ITPR1: variants seen among roughly 807,000 people sequenced by gnomAD.
ITPR1 encodes inositol 1,4,5-trisphosphate receptor type 1, also known as inositol 1,4,5-trisphosphate-gated calcium channel ITPR1.
Under a neutral mutation model 318.4 loss-of-function variants are expected in ITPR1, and 96 were observed. That is an observed-to-expected ratio of 0.30 (90% CI 0.26 to 0.36). The LOEUF (loss-of-function observed/expected upper bound fraction) is 0.36, where lower values mean the gene tolerates loss of function less well. ITPR1 is among the 10% of genes least tolerant of loss of function. The pLI is 1.00. For missense variants in ITPR1, 2,440 were observed against 3,460.2 expected (o/e 0.71, Z 7.40); for synonymous variants, 1,312 against 1,289.9 (o/e 1.02, Z -0.37).
Position 4,818,212 on chromosome 3 carries a change from G to C in ITPR1, c.7998G>C (p.Gly2666=), listed in dbSNP as rs750735745. 6.3e-7 allele frequency: 1 copy of C among 1,579,478 alleles called. No individual in the cohort carries two copies. The highest frequency in any genetic ancestry group is 8.7e-7 in the Non-Finnish European group (1 of 1,153,232). ...VKVKDSTEYT[G]PESYVAEMIK... is the part of the protein sequence containing the mutation. ...TAAAGGACTCCACCGAATATACTGG[G>C]CCTGAGAGTTACGTGGCAGAAATGA... Residue 2666 remains glycine (G), a synonymous_variant, in exon 60 of 62, where the codon GGG becomes GGC. Transcript: ENST00000649015.
At chr3:4,647,978 C>G (rs1423295689) in intron 10 of ITPR1, among the ~76,000 whole-genome samples, 2 of 152,002 alleles carry the variant, frequency 1.3e-5, no homozygotes, top group Non-Finnish European at 2.9e-5. Context: ...ATGGAGAAAC[C>G]CTGTCTCTAC....
intron 56 of ITPR1, among the ~76,000 whole-genome samples, chr3:4,811,780 T>C (rs1171371626): frequency 6.6e-6 from 1 of 152,160 alleles, no homozygotes; most frequent in South Asian, 2.1e-4. Flanking sequence ...ACTGAGTAAA[T>C]CTACTTCTAG....
At chr3:4,812,615 C>T (rs755884688) in intron 56 of ITPR1, among the ~76,000 whole-genome samples, 37 of 152,094 alleles carry the variant, frequency 2.4e-4, no homozygotes, top group Admixed American at 5.2e-4. Flanking sequence ...TTTTTCATCC[C>T]GAGTCTAAGA....
intron 2 of ITPR1, among the ~76,000 whole-genome samples, chr3:4,514,840 T>G (rs1194148554): frequency 6.6e-6 from 1 of 152,242 alleles, no homozygotes; most frequent in Non-Finnish European, 1.5e-5. Flanking sequence ...ATGTTTTCCA[T>G]TTGTGCCGCC....
intron 40 of ITPR1, among the ~76,000 whole-genome samples, chr3:4,719,362 C>T (rs1297542645): frequency 6.6e-6 from 1 of 152,226 alleles, no homozygotes. Flanking sequence ...GGAGATGCCT[C>T]CTTGGCCTTT....
At chr3:4,835,527 G>A (rs749854689) in intron 60 of ITPR1, among the ~76,000 whole-genome samples, 2 of 152,048 alleles carry the variant, frequency 1.3e-5, no homozygotes, top group African/African-American at 2.4e-5. Flanking sequence ...CGACCCCCAC[G>A]GTGTACACAA....
intron 44 of ITPR1, among the ~76,000 whole-genome samples, chr3:4,755,895 C>T (rs1244903997): frequency 2.6e-5 from 4 of 152,184 alleles, no homozygotes; most frequent in African/African-American, 9.7e-5. Context: ...ACTTGCTTCA[C>T]TTCATCGCTT....
intron 61 of ITPR1, among the ~76,000 whole-genome samples, chr3:4,845,904 G>T (rs142659073): frequency 6.6e-6 from 1 of 152,330 alleles, no homozygotes; most frequent in African/African-American, 2.4e-5. Flanking sequence ...TATGAAACAA[G>T]TGGCAAGCAA....
chr3:4,777,518 G>T, intron 48 of ITPR1, 144 bp downstream of exon 48: 1 of 614,762 alleles, frequency 1.6e-6, no homozygotes, highest in Admixed American at 2.3e-5. Context: ...TGCTAGTGCT[G>T]ACTACGATGC....
chr3:4,713,752 TA>T (rs1378745083), intron 39 of ITPR1, among the ~76,000 whole-genome samples: 3 of 152,206 alleles, frequency 2.0e-5, no homozygotes, highest in Non-Finnish European at 2.9e-5. Flanking sequence ...GGGTCTAGCT[TA>T]AATCCTTTTC....
At chr3:4,653,747 A>T in intron 11 of ITPR1, 95 bp from the exon 12 acceptor site, 1 of 811,926 alleles carries the variant, frequency 1.2e-6, no homozygotes, top group Non-Finnish European at 2.1e-6. Flanking sequence ...TAGCTGTTCA[A>T]GGATGTTTGC....
At chr3:4,728,962 C>T (rs1412581164) in intron 42 of ITPR1, among the ~76,000 whole-genome samples, 2 of 152,236 alleles carry the variant, frequency 1.3e-5, no homozygotes, top group Admixed American at 6.5e-5. Flanking sequence ...AGCCCTTCTT[C>T]TCCAGCTTCC....
At position 4,662,227 on chromosome 3, in the gene ITPR1, C is replaced by T. The variant is rs2093850058; in HGVS notation, c.1397C>T (p.Thr466Ile). 6.2e-7 allele frequency: 1 copy of T among 1,608,966 alleles called. No homozygotes were observed. Among genetic ancestry groups the T allele is most frequent in the East Asian group, 2.2e-5 (1 of 44,788 alleles). The change falls in exon 15 of 62, where the codon ACC (threonine) becomes ATC (isoleucine). Residue 466 changes from threonine to isoleucine, a missense_variant. Physicochemically the swap from Thr to Ile is moderately conservative, Grantham distance 89. Coordinates refer to ENST00000649015, the MANE Select transcript of ITPR1 (RefSeq NM_001378452.1). The part of the protein sequence containing the change: ...IAGKLEKGTI[T>I]QNERRSVTKL... ...GGGAAGCTAGAGAAGGGCACCATCA[C>T]CCAGAATGAAAGGAGGTGAGCACTC...
At chr3:4,555,710 A>C (rs1295418979) in intron 4 of ITPR1, among the ~76,000 whole-genome samples, 1 of 152,228 alleles carries the variant, frequency 6.6e-6, no homozygotes, top group Admixed American at 6.5e-5. Context: ...CTGAGTGATA[A>C]AAATTCAAAC....
At chr3:4,769,645 C>A (rs963316546) in intron 46 of ITPR1, among the ~76,000 whole-genome samples, 2 of 152,144 alleles carry the variant, frequency 1.3e-5, no homozygotes, top group Non-Finnish European at 2.9e-5. Context: ...TATCCTGGAT[C>A]CTAAGTGTTG....
chr3:4,788,113 A>C lies in ITPR1; in HGVS notation c.6782A>C (p.Glu2261Ala), dbSNP rs1412454774. Residue 2261 changes from glutamate to alanine, a missense_variant, in exon 52 of 62, where the codon GAA becomes GCA. By Grantham distance (107) the Glu-to-Ala change is moderately radical. Coordinates refer to ENST00000649015, the MANE Select transcript of ITPR1 (RefSeq NM_001378452.1). ...CTGCGGTCTGAAGACCTCTTCAATGAAATGAATTGGCAGAAGAAACTGAGA... is the reference window on the plus strand; with the variant it reads ...CTGCGGTCTGAAGACCTCTTCAATGCAATGAATTGGCAGAAGAAACTGAGA... Reference protein sequence around the residue: ...FFLRSEDLFNEMNWQKKLRAQ... With the variant: ...FFLRSEDLFNAMNWQKKLRAQ... 1 of 1,606,350 alleles carries C rather than the reference A, an allele frequency of 6.2e-7. No homozygotes were observed. Among genetic ancestry groups the C allele is most frequent in the African/African-American group, 1.3e-5 (1 of 74,868 alleles).
intron 2 of ITPR1, among the ~76,000 whole-genome samples, chr3:4,511,782 G>A (rs542365587): frequency 1.1e-4 from 16 of 152,272 alleles, no homozygotes; most frequent in African/African-American, 3.9e-4. Flanking sequence ...TGCCTGCCAT[G>A]GGCTGAGAGG....
chr3:4,520,980 C>T (rs1292273518), intron 3 of ITPR1, 44 bp from the exon 4 acceptor site: 2 of 1,446,622 alleles, frequency 1.4e-6, no homozygotes, highest in East Asian at 2.3e-5. Flanking sequence ...CTAAGAGTTT[C>T]ATTTTCATAC....
At chr3:4,506,308 G>T (rs748056184) in intron 2 of ITPR1, among the ~76,000 whole-genome samples, 7 of 152,110 alleles carry the variant, frequency 4.6e-5, no homozygotes, top group Non-Finnish European at 1.0e-4. Context: ...CTGGCTTTCT[G>T]TTTCTGGAAT....
Sources: gnomAD v4.1 joint callset for allele counts (sites outside exome capture counted in the v4.1 genomes callset) on GRCh38, gnomAD v4.1.1 for gene constraint, MANE v1.5 for transcripts, NCBI Gene and HGNC (gene_info 2026-07-23, HGNC 2026-07-21) for gene names.